The following DENND2B variants were observed in gnomAD, a reference collection of about 807,000 sequenced individuals.
DENND2B encodes DENN domain containing 2B, also known as DENN domain-containing protein 2B.
A neutral mutation model predicts 116.0 loss-of-function variants in DENND2B; 32 were observed. The ratio of observed to expected loss-of-function variants is 0.28; its 90% CI spans 0.21 to 0.37. DENND2B has a LOEUF of 0.37. Ranked by LOEUF, DENND2B falls within the 10% of genes least tolerant of loss-of-function variation. DENND2B has a pLI of 1.00. For synonymous variants in DENND2B, 588 were observed against 583.9 expected (o/e 1.01, Z -0.10); for missense variants, 1,276 against 1,477.7 (o/e 0.86, Z 2.24).
At chr11:8,772,593 G>A (rs535215290) in intron 1 of DENND2B, among the ~76,000 whole-genome samples, 2 of 152,320 alleles carry the variant, frequency 1.3e-5, no homozygotes, top group South Asian at 4.1e-4. Context: ...TAATAGTAGA[G>A]TGAGTGTGAG....
chr11:8,903,591 CAACTT>C (rs551354664), intron 1 of DENND2B, among the ~76,000 whole-genome samples: 19 of 151,190 alleles, frequency 1.3e-4, no homozygotes, highest in East Asian at 3.9e-4. Flanking sequence ...ACAAATTAGA[CAACTT>C]AAGTGACTGG....
At chr11:8,701,661 T>C (rs1409362820) in intron 14 of DENND2B, among the ~76,000 whole-genome samples, 2 of 152,238 alleles carry the variant, frequency 1.3e-5, no homozygotes, top group East Asian at 3.9e-4. Context: ...CGGAGCCGTA[T>C]CACTTGTGCC....
chr11:8,708,879 A>G (rs2043095611), intron 11 of DENND2B, among the ~76,000 whole-genome samples: 1 of 140,970 alleles, frequency 7.1e-6, no homozygotes, highest in Admixed American at 7.1e-5. Flanking sequence ...TGAACCCGGG[A>G]GGTGGAGGTT....
intron 4 of DENND2B, among the ~76,000 whole-genome samples, chr11:8,722,514 G>A (rs531540124): frequency 5.3e-5 from 8 of 152,276 alleles, no homozygotes; most frequent in South Asian, 2.1e-4. Flanking sequence ...TAAGCAAGAC[G>A]GGAAACTGCC....
intron 1 of DENND2B, chr11:8,785,207 AC>A (rs1405526793): frequency 6.6e-6 from 1 of 152,248 alleles, no homozygotes; most frequent in South Asian, 2.1e-4. Flanking sequence ...ACTTTCACAG[AC>A]CGTCAGCTTC....
intron 1 of DENND2B, among the ~76,000 whole-genome samples, chr11:8,753,446 TG>T (rs2052930847): frequency 6.6e-6 from 1 of 152,170 alleles, no homozygotes; most frequent in Non-Finnish European, 1.5e-5. Context: ...ACCATATTCA[TG>T]GATCAGAAAA....
At chr11:8,856,671 C>T (rs2063204068) in intron 3 of DENND2B, among the ~76,000 whole-genome samples, 1 of 152,170 alleles carries the variant, frequency 6.6e-6, no homozygotes, top group Non-Finnish European at 1.5e-5. Context: ...GATGGAAAGG[C>T]AGGCCCAGGC....
chr11:8,724,752 CAGCA>C (rs1470062957), intron 4 of DENND2B, among the ~76,000 whole-genome samples: 2 of 152,212 alleles, frequency 1.3e-5, no homozygotes, highest in Non-Finnish European at 2.9e-5. Context: ...GGTATTTATA[CAGCA>C]AACAGCCTTG....
At chr11:8,738,152 T>C (rs2049442695) in intron 2 of DENND2B, among the ~76,000 whole-genome samples, 1 of 152,100 alleles carries the variant, frequency 6.6e-6, no homozygotes, top group African/African-American at 2.4e-5. Flanking sequence ...AACGAAGAGG[T>C]GGGGACCCAA....
intron 4 of DENND2B, among the ~76,000 whole-genome samples, chr11:8,829,843 G>A (rs1413222208): frequency 6.6e-6 from 1 of 152,132 alleles, no homozygotes; most frequent in African/African-American, 2.4e-5. Flanking sequence ...AACTCTAAGA[G>A]CCCAGACAAT....
chr11:8,794,454 C>G (rs1190179313), intron 1 of DENND2B, among the ~76,000 whole-genome samples: 1 of 152,178 alleles, frequency 6.6e-6, no homozygotes, highest in African/African-American at 2.4e-5. Context: ...TTGTCTCAGG[C>G]TATGTATGGG....
chr11:8,725,841 C>T (rs1167878113), intron 4 of DENND2B, among the ~76,000 whole-genome samples: 1 of 152,196 alleles, frequency 6.6e-6, no homozygotes, highest in Non-Finnish European at 1.5e-5. Flanking sequence ...TTCTCCTTCT[C>T]GTGTCCCCAA....
At position 8,707,265 on chromosome 11, in the gene DENND2B, G is replaced by A; in HGVS notation, c.2431-40C>T. On this transcript the variant is annotated intron_variant, in intron 12 of 19. Coordinates refer to ENST00000313726, the MANE Select transcript of DENND2B (RefSeq NM_213618.2). This position sits in a 1 kb window ranked among gnomAD's most constrained non-coding sequence, Gnocchi z 4.8. Reference sequence around the variant, plus strand: ...AGCAGCCCAAAGAGGAAGGGTGTCAGGGCACTGCCCTTCCCCCTCCTGGCA... The same window carrying A: ...AGCAGCCCAAAGAGGAAGGGTGTCAAGGCACTGCCCTTCCCCCTCCTGGCA... The A allele has an allele frequency of 6.3e-7, 1 of 1,589,336 alleles. No individual in the cohort carries two copies.
At chr11:8,719,812 T>G (rs1313446814) in intron 4 of DENND2B, among the ~76,000 whole-genome samples, 1 of 152,140 alleles carries the variant, frequency 6.6e-6, no homozygotes, top group Non-Finnish European at 1.5e-5. Flanking sequence ...AGGGAGAACA[T>G]TTATGCCAAG....
chr11:8,861,971 T>C (rs1034465982), intron 2 of DENND2B, among the ~76,000 whole-genome samples: 4 of 150,012 alleles, frequency 2.7e-5, no homozygotes, highest in African/African-American at 9.9e-5. Flanking sequence ...AGGTGGGAGC[T>C]AAGCTATGGG....
chr11:8,804,167 C>T (rs1342017718), intron 1 of DENND2B, among the ~76,000 whole-genome samples: 1 of 152,218 alleles, frequency 6.6e-6, no homozygotes, highest in Non-Finnish European at 1.5e-5. Flanking sequence ...GCTGCCGTGT[C>T]CTCAAAATCT....
Position 8,730,486 on chromosome 11 carries a change from G to A in DENND2B, c.804C>T (p.Phe268=). 6.2e-7 allele frequency: 1 copy of A among 1,612,246 alleles called. No individual in the cohort carries two copies. Residue 268 remains phenylalanine (F), a synonymous_variant, in exon 3 of 20, where the codon TTC becomes TTT. Coordinates refer to ENST00000313726, the MANE Select transcript of DENND2B (RefSeq NM_213618.2). This position sits in a 1 kb window ranked among gnomAD's most constrained non-coding sequence, Gnocchi z 4.1. ...KRLGRSEPSA[F]LRGHGSRKES... is the part of the protein sequence containing the mutation. ...CCTTCCTGCTGCCATGCCCCCTGAG[G>A]AAGGCGCTGGGCTCACTCCGGCCCA...
At chr11:8,748,418 G>A (rs1000506941) in intron 2 of DENND2B, among the ~76,000 whole-genome samples, 6 of 152,242 alleles carry the variant, frequency 3.9e-5, no homozygotes, top group African/African-American at 1.2e-4. Context: ...CACCGACAAT[G>A]CCTTCCTAAA....
intron 4 of DENND2B, among the ~76,000 whole-genome samples, chr11:8,828,354 A>G (rs1224639134): frequency 6.6e-6 from 1 of 152,134 alleles, no homozygotes; most frequent in East Asian, 1.9e-4. Context: ...TTCATTCAGG[A>G]GCCCAGCCCT....
Sources: gnomAD v4.1 joint callset for allele counts (sites outside exome capture counted in the v4.1 genomes callset) on GRCh38, gnomAD v4.1.1 for gene constraint, Gnocchi (gnomAD v3.1) non-coding constraint, MANE v1.5 for transcripts, NCBI Gene and HGNC (gene_info 2026-07-23, HGNC 2026-07-21) for gene names.